Variants in CLMN observed in about 807,000 individuals in gnomAD.
CLMN encodes the protein calmin, also known as calmin (calponin-like, transmembrane).
In CLMN, 57 loss-of-function variants were observed where a neutral mutation model predicts 92.7. The ratio of observed to expected loss-of-function variants is 0.61; its 90% CI spans 0.50 to 0.77. CLMN has a LOEUF of 0.77. Ranked by LOEUF, CLMN falls within the 30% of genes least tolerant of loss-of-function variation. CLMN has a pLI of 0.00. For synonymous variants in CLMN, 466 were observed against 470.6 expected (o/e 0.99, Z 0.13); for missense variants, 1,158 against 1,237.5 (o/e 0.94, Z 0.96).
At chr14:95,253,625 T>G (rs12887747) in intron 1 of CLMN, among the ~76,000 whole-genome samples, 3,026 of 151,510 alleles carry the variant, frequency 0.02, 45 homozygotes, top group Non-Finnish European at 0.031. Context: ...TTGTTTTTTT[T>G]TTTTTGAGAC....
At chr14:95,276,322 A>T (rs190058079) in intron 1 of CLMN, among the ~76,000 whole-genome samples, 413 of 152,270 alleles carry the variant, frequency 2.7e-3, no homozygotes, top group Non-Finnish European at 4.7e-3. Flanking sequence ...GGAAAAGTGG[A>T]TTTCGTGCCA....
chr14:95,288,938 A>G (rs1010994432), intron 1 of CLMN, among the ~76,000 whole-genome samples: 1 of 152,236 alleles, frequency 6.6e-6, no homozygotes, highest in Non-Finnish European at 1.5e-5. Context: ...AAAGAAGCCA[A>G]CACACAAAGA....
intron 2 of CLMN, among the ~76,000 whole-genome samples, chr14:95,229,023 G>C (rs1326130775): frequency 6.6e-6 from 1 of 152,208 alleles, no homozygotes; most frequent in Non-Finnish European, 1.5e-5. Flanking sequence ...CTACAAACAT[G>C]AAAGTGGGGT....
intron 1 of CLMN, among the ~76,000 whole-genome samples, chr14:95,232,810 T>C (rs1897931725): frequency 6.6e-6 from 1 of 152,220 alleles, no homozygotes; most frequent in Non-Finnish European, 1.5e-5. Flanking sequence ...CACTTTATTC[T>C]CTCTGATGGC....
chr14:95,254,838 G>A (rs1898930436), intron 1 of CLMN, among the ~76,000 whole-genome samples: 1 of 152,134 alleles, frequency 6.6e-6, no homozygotes, highest in South Asian at 2.1e-4. Context: ...AGCCAGGTGT[G>A]TGCCACTATG....
At chr14:95,315,611 T>C (rs1901731245) in intron 1 of CLMN, among the ~76,000 whole-genome samples, 1 of 152,182 alleles carries the variant, frequency 6.6e-6, no homozygotes, top group Admixed American at 6.5e-5. Context: ...TGAGCCTGCC[T>C]TGAGGGGATT....
chr14:95,274,781 C>T (rs896803703), intron 1 of CLMN, among the ~76,000 whole-genome samples: 1 of 152,160 alleles, frequency 6.6e-6, no homozygotes, highest in East Asian at 1.9e-4. Flanking sequence ...GAGATCAAGA[C>T]CATCTTGGCC....
At chr14:95,310,318 T>A (rs1901479449) in intron 1 of CLMN, among the ~76,000 whole-genome samples, 1 of 152,206 alleles carries the variant, frequency 6.6e-6, no homozygotes, top group Non-Finnish European at 1.5e-5. Flanking sequence ...CCTGGTCCCA[T>A]CCTGCAGCAG....
At chr14:95,198,753 G>A (rs1221010278) in intron 9 of CLMN, among the ~76,000 whole-genome samples, 2 of 152,122 alleles carry the variant, frequency 1.3e-5, no homozygotes, top group East Asian at 3.8e-4. Context: ...CAAATCACCT[G>A]TCCAAGTGCT....
intron 1 of CLMN, among the ~76,000 whole-genome samples, chr14:95,253,389 C>T (rs1210736512): frequency 1.3e-5 from 2 of 152,230 alleles, no homozygotes; most frequent in African/African-American, 4.8e-5. Context: ...GCCCAGTCCA[C>T]ATAACCTCCT....
At position 95,319,618 on chromosome 14, in the gene CLMN, C is replaced by G; in HGVS notation, c.82+93G>C. On this transcript the variant is annotated intron_variant, in intron 1 of 12. Coordinates refer to ENST00000298912, the MANE Select transcript of CLMN (RefSeq NM_024734.4). ...ACAGGAACAACGAGCGGCCGGCGAG[C>G]GGGGGCGGCGCGGGGGAGTTGCCAA... The G allele has an allele frequency of 2.0e-6, 2 of 1,015,390 alleles. 1 individual carries two copies. Among genetic ancestry groups the G allele is most frequent in the South Asian group, 3.0e-5 (2 of 67,066 alleles). The allele number at this position is 1,015,390 out of a possible 1,614,324, so 62.9% of individuals were successfully genotyped here.
chr14:95,235,151 T>C (rs993497218), intron 1 of CLMN, among the ~76,000 whole-genome samples: 2 of 152,126 alleles, frequency 1.3e-5, no homozygotes, highest in Non-Finnish European at 2.9e-5. Context: ...AGCAAGCACA[T>C]GTACTCATGT....
chr14:95,242,266 T>A (rs888094613), intron 1 of CLMN, among the ~76,000 whole-genome samples: 1 of 139,698 alleles, frequency 7.2e-6, no homozygotes, highest in African/African-American at 2.6e-5. Context: ...TTTTTTTTTT[T>A]TTTTTTTTTT....
chr14:95,241,294 T>G (rs1268588807), intron 1 of CLMN, among the ~76,000 whole-genome samples: 1 of 151,994 alleles, frequency 6.6e-6, no homozygotes, highest in African/African-American at 2.4e-5. Context: ...CATGGGACAT[T>G]TGGGGCTCAA....
intron 1 of CLMN, among the ~76,000 whole-genome samples, chr14:95,245,248 AT>A (rs1333375772): frequency 0.013 from 468 of 36,490 alleles, 23 homozygotes; most frequent in African/African-American, 0.083. Flanking sequence ...TTATATATAT[AT>A]ATATAATATA....
In CLMN at chr14:95,185,663, C is replaced by T. The variant is rs1472401191; in HGVS notation, c.*5901G>A. On this transcript the variant is annotated 3_prime_UTR_variant, in exon 13 of 13. Transcript: ENST00000298912. ...AGAAGGTCCCGAGATACCAGGCTGACTGGAAGCTCCCACACAGCCCATTTC... is the reference window on the plus strand; with the variant it reads ...AGAAGGTCCCGAGATACCAGGCTGATTGGAAGCTCCCACACAGCCCATTTC... 1 of 152,222 alleles carries T rather than the reference C, an allele frequency of 6.6e-6. No homozygotes were observed. Among genetic ancestry groups the T allele is most frequent in the East Asian group, 1.9e-4 (1 of 5,174 alleles). The allele number at this position is 152,222 out of a possible 1,614,324, so 9.4% of individuals were successfully genotyped here. A position where few individuals can be genotyped will look rare whatever the true frequency, so the allele number is the denominator to read the frequency against.
At chr14:95,204,611 C>T (rs1896995969) in intron 8 of CLMN, 148 bp from the exon 9 acceptor site, 2 of 714,866 alleles carry the variant, frequency 2.8e-6, no homozygotes. Context: ...TGGAAAAAGC[C>T]ACTTCAAACC....
intron 1 of CLMN, among the ~76,000 whole-genome samples, chr14:95,292,844 C>T (rs1329487681): frequency 5.3e-5 from 8 of 152,134 alleles, no homozygotes; most frequent in Non-Finnish European, 1.0e-4. Flanking sequence ...TGTGAGAGCA[C>T]GGGTGCCCGG....
chr14:95,191,478 A>G lies in CLMN; in HGVS notation c.*86T>C. 1.8e-6 allele frequency: 2 copies of G among 1,140,292 alleles called. No homozygotes were observed. Among genetic ancestry groups the G allele is most frequent in the Non-Finnish European group, 1.2e-6 (1 of 822,266 alleles). 70.6% of individuals were successfully genotyped at this position (1,140,292 alleles called of 1,614,324 possible). ...CTCGGAGGTCCTCAACTGTCTGTAG[A>G]AGTGCCCCACCCAGAACCCAAAATA... On this transcript the variant is annotated 3_prime_UTR_variant, in exon 13 of 13. Transcript: ENST00000298912. This position sits in a 1 kb window ranked among gnomAD's most constrained non-coding sequence, Gnocchi z 5.3.
Sources: allele counts gnomAD v4.1 joint callset (sites outside exome capture counted in the v4.1 genomes callset), GRCh38; gene constraint gnomAD v4.1.1; non-coding constraint Gnocchi (gnomAD v3.1); transcripts MANE v1.5; gene names NCBI Gene and HGNC (gene_info 2026-07-23, HGNC 2026-07-21).